The following IMPACT variants were observed in gnomAD, a reference collection of about 807,000 sequenced individuals.
IMPACT encodes the protein impact RWD domain protein.
Under a neutral mutation model 47.5 loss-of-function variants are expected in IMPACT, and 35 were observed. That is an observed-to-expected ratio of 0.74 (90% CI 0.56 to 0.98). The LOEUF (loss-of-function observed/expected upper bound fraction) is 0.98. Ranked by LOEUF, IMPACT falls within the 50% of genes least tolerant of loss-of-function variation. The pLI is 0.00. For synonymous variants in IMPACT, 118 were observed against 125.6 expected (o/e 0.94, Z 0.40); for missense variants, 373 against 394.8 (o/e 0.94, Z 0.47).
intron 9 of IMPACT, among the ~76,000 whole-genome samples, chr18:24,449,525 G>A (rs1294997384): frequency 6.6e-6 from 1 of 152,196 alleles, no homozygotes; most frequent in East Asian, 1.9e-4. Flanking sequence ...CCAGGTGCTA[G>A]AATCCTACTT....
chr18:24,428,530 C>G (rs1279390786), intron 2 of IMPACT, among the ~76,000 whole-genome samples: 1 of 152,168 alleles, frequency 6.6e-6, no homozygotes, highest in Non-Finnish European at 1.5e-5. Flanking sequence ...CTTGTATGTA[C>G]TTTCAACATA....
At chr18:24,429,611 A>G (rs1006721601) in intron 3 of IMPACT, 1 of 152,136 alleles carries the variant, frequency 6.6e-6, no homozygotes, top group African/African-American at 2.4e-5. Flanking sequence ...TAGCCTTAAA[A>G]AACAAACAAA....
intron 4 of IMPACT, among the ~76,000 whole-genome samples, chr18:24,434,786 T>C (rs1302632988): frequency 8.7e-6 from 1 of 114,774 alleles, no homozygotes; most frequent in African/African-American, 2.8e-5. Context: ...AATATATATA[T>C]ATATATATAT....
intron 6 of IMPACT, among the ~76,000 whole-genome samples, chr18:24,442,496 A>G (rs1909142324): frequency 6.6e-6 from 1 of 152,220 alleles, no homozygotes; most frequent in African/African-American, 2.4e-5. Context: ...ACTGGAAATC[A>G]TGATGCTCTT....
At chr18:24,436,571 AG>A (rs1256955486) in intron 4 of IMPACT, among the ~76,000 whole-genome samples, 1 of 141,532 alleles carries the variant, frequency 7.1e-6, no homozygotes, top group Non-Finnish European at 1.5e-5. Flanking sequence ...TGTTTTGAGA[AG>A]GGGTCTTTTT....
Position 24,449,918 on chromosome 18 carries a change from A to G in IMPACT, c.859A>G (p.Asn287Asp), listed in dbSNP as rs1306023392. ...TAAACATATCAACAACTGTGCCAGA[A>G]ACATACTAGTGGAAAAGAACTACAC... ...RFKHINNCAR[N>D]ILVEKNYTNS... Residue 287 changes from asparagine (N) to aspartate (D), a missense_variant, in exon 10 of 11, where the codon AAC becomes GAC. Physicochemically the swap from Asn to Asp is conservative, Grantham distance 23. Coordinates refer to ENST00000284202, the MANE Select transcript of IMPACT (RefSeq NM_018439.4). 5 of 1,614,010 alleles carry G rather than the reference A, an allele frequency of 3.1e-6. No individual in the cohort carries two copies. Among genetic ancestry groups the G allele is most frequent in the Admixed American group, 3.3e-5 (2 of 59,990 alleles).
intron 4 of IMPACT, among the ~76,000 whole-genome samples, chr18:24,436,830 A>G (rs1055482739): frequency 1.3e-5 from 2 of 152,044 alleles, no homozygotes; most frequent in Non-Finnish European, 2.9e-5. Flanking sequence ...TGATTACACC[A>G]CGCCCGGCTC....
chr18:24,426,696 C>G lies in IMPACT; in HGVS notation c.-61C>G. The G allele has an allele frequency of 2.5e-6, 3 of 1,196,198 alleles. No homozygotes were observed. Among genetic ancestry groups the G allele is most frequent in the Non-Finnish European group, 3.1e-6 (3 of 953,238 alleles). The allele number at this position is 1,196,198 out of a possible 1,614,324, so 74.1% of individuals were successfully genotyped here. A position where few individuals can be genotyped will look rare whatever the true frequency, so the allele number is the denominator to read the frequency against. Reference sequence around the variant, plus strand: ...GCCAGCTCTCGGCTCGCAGCCGCAGCGCCCCGCCCCCGCGCTCCGGACCTG... The same window carrying G: ...GCCAGCTCTCGGCTCGCAGCCGCAGGGCCCCGCCCCCGCGCTCCGGACCTG... On this transcript the variant is annotated 5_prime_UTR_variant, in exon 1 of 11. Coordinates refer to ENST00000284202, the MANE Select transcript of IMPACT (RefSeq NM_018439.4).
intron 4 of IMPACT, among the ~76,000 whole-genome samples, chr18:24,434,809 G>GTA (rs1354924607): frequency 4.4e-4 from 56 of 127,848 alleles, no homozygotes; most frequent in African/African-American, 1.4e-3. Flanking sequence ...GTGTGTGTGT[G>GTA]TATATATATG....
In IMPACT at chr18:24,452,941, T is replaced by G. The variant is rs1434996972; in HGVS notation, c.*2094T>G. The G allele has an allele frequency of 6.6e-6, 1 of 152,136 alleles. No homozygotes were observed. Among genetic ancestry groups the G allele is most frequent in the Non-Finnish European group, 1.5e-5 (1 of 68,030 alleles). 9.4% of individuals were successfully genotyped at this position (152,136 alleles called of 1,614,324 possible). On this transcript the variant is annotated 3_prime_UTR_variant, in exon 11 of 11. Coordinates refer to ENST00000284202, the MANE Select transcript of IMPACT (RefSeq NM_018439.4). ...GGCATGTGCTATTACACCTGGCTAATTTTTAAAGTTTTTTTTGTAAAGATA... is the reference window on the plus strand; with the variant it reads ...GGCATGTGCTATTACACCTGGCTAAGTTTTAAAGTTTTTTTTGTAAAGATA...
intron 8 of IMPACT, among the ~76,000 whole-genome samples, chr18:24,445,711 T>C (rs1909233661): frequency 6.6e-6 from 1 of 152,230 alleles, no homozygotes; most frequent in South Asian, 2.1e-4. Context: ...AAGTTTAATT[T>C]TTCCCAATGC....
chr18:24,447,130 C>A (rs1390760515), intron 8 of IMPACT, among the ~76,000 whole-genome samples: 2 of 152,008 alleles, frequency 1.3e-5, no homozygotes, highest in South Asian at 2.1e-4. Flanking sequence ...AGTAGATGGT[C>A]AGTAAATATT....
intron 5 of IMPACT, among the ~76,000 whole-genome samples, chr18:24,439,334 C>T (rs892266200): frequency 2.0e-5 from 3 of 152,030 alleles, no homozygotes; most frequent in African/African-American, 7.2e-5. Flanking sequence ...AGTTCAGGAC[C>T]AGCCTGGCCA....
In IMPACT at chr18:24,430,343, A is replaced by T; in HGVS notation, c.240A>T (p.Gln80His). The change falls in exon 4 of 11, where the codon CAA becomes CAT. Residue 80 changes from glutamine (Q) to histidine (H), a missense_variant. Transcript: ENST00000284202. ...YQLNAPWLKGQERADLSNSLE... is the reference protein window; with the variant it reads ...YQLNAPWLKGHERADLSNSLE... Reference sequence around the variant, plus strand: ...TTAGTGCTCCTTGGCTTAAAGGGCAAGAACGTGCGGATTTATCAAATAGCC... The same window carrying T: ...TTAGTGCTCCTTGGCTTAAAGGGCATGAACGTGCGGATTTATCAAATAGCC... 1 of 1,598,832 alleles carries T rather than the reference A, an allele frequency of 6.3e-7. No homozygotes were observed. The highest frequency in any genetic ancestry group is 8.5e-7 in the Non-Finnish European group (1 of 1,174,924).
intron 6 of IMPACT, 51 bp downstream of exon 6, chr18:24,440,669 A>G: frequency 1.3e-6 from 2 of 1,488,984 alleles, no homozygotes; most frequent in Non-Finnish European, 9.1e-7. Context: ...TGGTAGTATT[A>G]TGTATTGTTC....
intron 6 of IMPACT, among the ~76,000 whole-genome samples, chr18:24,442,030 G>T (rs1004764174): frequency 6.6e-6 from 1 of 152,082 alleles, no homozygotes; most frequent in African/African-American, 2.4e-5. Context: ...GAGGGAAGGT[G>T]TAAAACATCT....
chr18:24,431,716 T>C (rs999497226), intron 4 of IMPACT, among the ~76,000 whole-genome samples: 3 of 152,062 alleles, frequency 2.0e-5, no homozygotes, highest in African/African-American at 7.2e-5. Flanking sequence ...TTTAAAATTT[T>C]TTTGAGATGG....
chr18:24,441,439 A>G (rs967817307), intron 6 of IMPACT, among the ~76,000 whole-genome samples: 20 of 152,120 alleles, frequency 1.3e-4, no homozygotes, highest in African/African-American at 4.3e-4. Flanking sequence ...TCATCCTCCC[A>G]GAGTGCTGGG....
rs566597621 is a variant in IMPACT, at chr18:24,451,009, A to G, written c.*162A>G. On this transcript the variant is annotated 3_prime_UTR_variant, in exon 11 of 11. Transcript: ENST00000284202. ...TTCTTCTTGGTTATATCATCTGCCA[A>G]AAATAGAGAACTTATGATCTATTCA... The G allele has an allele frequency of 3.9e-6, 2 of 511,440 alleles. No homozygotes were observed. Among genetic ancestry groups the G allele is most frequent in the South Asian group, 6.6e-5 (2 of 30,346 alleles). 31.7% of individuals were successfully genotyped at this position (511,440 alleles called of 1,614,324 possible).
Sources: allele counts gnomAD v4.1 joint callset (sites outside exome capture counted in the v4.1 genomes callset), GRCh38; gene constraint gnomAD v4.1.1; transcripts MANE v1.5; gene names NCBI Gene and HGNC (gene_info 2026-07-23, HGNC 2026-07-21).